The following MAF variants were observed in gnomAD, a reference collection of about 807,000 sequenced individuals.
MAF encodes transcription factor Maf.
Under a neutral mutation model 22.0 loss-of-function variants are expected in MAF, and 10 were observed. The ratio of observed to expected loss-of-function variants is 0.45; its 90% CI spans 0.28 to 0.77. MAF has a LOEUF of 0.77. Ranked by LOEUF, MAF falls within the 30% of genes least tolerant of loss-of-function variation. MAF has a pLI of 0.12. For synonymous variants in MAF, 337 were observed against 255.8 expected (o/e 1.32, Z -3.03); for missense variants, 544 against 548.4 (o/e 0.99, Z 0.08).
At chr16:79,473,663 T>C in the MAF span, among the ~76,000 whole-genome samples, 7 of 152,282 alleles carry the variant, frequency 4.6e-5, no homozygotes, top group Admixed American at 2.6e-4. Flanking sequence ...GGGGTGAGCA[T>C]GTCTTTATGA....
the MAF span, among the ~76,000 whole-genome samples, chr16:79,364,570 C>T: frequency 6.6e-6 from 1 of 152,162 alleles, no homozygotes; most frequent in African/African-American, 2.4e-5. Flanking sequence ...CAAACATGGT[C>T]CCTGACAGAG....
chr16:79,410,531 C>T, the MAF span, among the ~76,000 whole-genome samples: 25 of 152,242 alleles, frequency 1.6e-4, no homozygotes, highest in South Asian at 1.2e-3. Flanking sequence ...TCGTGCCCTG[C>T]GCTGGGTACA....
downstream of MAF, among the ~76,000 whole-genome samples, chr16:79,585,560 A>G (rs527332821): frequency 1.3e-5 from 2 of 152,238 alleles, no homozygotes; most frequent in South Asian, 4.1e-4. Context: ...CGTTGGATAA[A>G]GCTGAAGATC....
At chr16:79,431,269 C>T in the MAF span, among the ~76,000 whole-genome samples, 23 of 152,212 alleles carry the variant, frequency 1.5e-4, no homozygotes, top group African/African-American at 2.2e-4. Flanking sequence ...CCCCATGTCC[C>T]GAGTTCTGAT....
At chr16:79,534,720 A>G in the MAF span, among the ~76,000 whole-genome samples, 1 of 152,204 alleles carries the variant, frequency 6.6e-6, no homozygotes, top group Non-Finnish European at 1.5e-5. Context: ...CATGTACCCT[A>G]GAACTTAAAG....
the MAF span, among the ~76,000 whole-genome samples, chr16:79,480,623 G>C: frequency 1.3e-5 from 2 of 152,156 alleles, no homozygotes; most frequent in Non-Finnish European, 2.9e-5. Flanking sequence ...AGGGAGGGTA[G>C]AAGGGTTGGG....
chr16:79,470,110 A>G, the MAF span, among the ~76,000 whole-genome samples: 1 of 152,230 alleles, frequency 6.6e-6, no homozygotes. Flanking sequence ...ATTTCATCAC[A>G]AGACCAACAC....
chr16:79,571,712 C>T, the MAF span, among the ~76,000 whole-genome samples: 4 of 152,208 alleles, frequency 2.6e-5, no homozygotes, highest in Admixed American at 1.3e-4. Flanking sequence ...ATCTACAGGT[C>T]TACAAGGTTT....
chr16:79,562,515 A>G, the MAF span, among the ~76,000 whole-genome samples: 1 of 152,168 alleles, frequency 6.6e-6, no homozygotes, highest in Non-Finnish European at 1.5e-5. Context: ...CCATTGTCTA[A>G]CCAGACCACA....
At chr16:79,522,440 C>T in the MAF span, among the ~76,000 whole-genome samples, 1 of 152,182 alleles carries the variant, frequency 6.6e-6, no homozygotes, top group Non-Finnish European at 1.5e-5. Context: ...AGAGTCCTCA[C>T]CACTTGTGTG....
the MAF span, among the ~76,000 whole-genome samples, chr16:79,438,943 G>A: frequency 6.6e-6 from 1 of 152,138 alleles, no homozygotes; most frequent in East Asian, 1.9e-4. Flanking sequence ...TCATGTGAGA[G>A]ACTGAGACAT....
chr16:79,564,422 C>A, the MAF span, among the ~76,000 whole-genome samples: 1 of 152,172 alleles, frequency 6.6e-6, no homozygotes, highest in Admixed American at 6.5e-5. Flanking sequence ...ACTGGGGACC[C>A]AGAGATAGGC....
the MAF span, among the ~76,000 whole-genome samples, chr16:79,230,317 C>T: frequency 6.6e-6 from 1 of 152,096 alleles, no homozygotes; most frequent in Non-Finnish European, 1.5e-5. Flanking sequence ...CCAGCAGTGA[C>T]AGAAAGAATG....
the MAF span, among the ~76,000 whole-genome samples, chr16:79,345,726 CAAAAAAAAAAA>C: frequency 2.9e-5 from 2 of 68,340 alleles, no homozygotes; most frequent in African/African-American, 6.0e-5. Context: ...GACTCCGTCT[CAAAAAAAAAAA>C]AAAAAAAAAA....
At chr16:79,598,213 G>C in intron 1 of MAF, 2 of 1,059,628 alleles carry the variant, frequency 1.9e-6, no homozygotes, top group Non-Finnish European at 1.1e-6. Context: ...AAGGAGTGAG[G>C]GTGGAGGTTG....
the MAF span, among the ~76,000 whole-genome samples, chr16:79,516,865 C>G: frequency 3.3e-5 from 5 of 152,088 alleles, no homozygotes; most frequent in Admixed American, 2.0e-4. Flanking sequence ...AATCTTAAAG[C>G]AGCTAGACCT....
chr16:79,457,374 T>C, the MAF span, among the ~76,000 whole-genome samples: 47 of 145,080 alleles, frequency 3.2e-4, 2 homozygotes, highest in South Asian at 0.01. Flanking sequence ...CTCCTTAGAA[T>C]TGAGTAGCAC....
the MAF span, among the ~76,000 whole-genome samples, chr16:79,219,183 G>A: frequency 1.3e-5 from 2 of 152,148 alleles, no homozygotes; most frequent in South Asian, 4.1e-4. Flanking sequence ...ATTCAGATGA[G>A]GGAGGCTCTG....
At chr16:79,273,567 T>C in the MAF span, among the ~76,000 whole-genome samples, 2 of 152,178 alleles carry the variant, frequency 1.3e-5, no homozygotes, top group Non-Finnish European at 2.9e-5. Context: ...AGAATCTGTT[T>C]TCTTGCCTTT....
Sources: allele counts gnomAD v4.1 joint callset (sites outside exome capture counted in the v4.1 genomes callset), GRCh38; gene constraint gnomAD v4.1.1; transcripts MANE v1.5; gene names NCBI Gene and HGNC (gene_info 2026-07-23, HGNC 2026-07-21).